GRXCR1: variants seen among roughly 807,000 people sequenced by gnomAD.
The protein encoded by GRXCR1 is glutaredoxin and cysteine rich domain containing 1.
In GRXCR1, 27 loss-of-function variants were observed where a neutral mutation model predicts 27.3. The ratio of observed to expected loss-of-function variants is 0.99; its 90% CI spans 0.73 to 1.37. The LOEUF (loss-of-function observed/expected upper bound fraction) is 1.37. Among genes scored for constraint, GRXCR1 ranks in the 40% most tolerant of loss-of-function variants. The probability of loss-of-function intolerance (pLI) is 0.00; values close to 1 mark genes in which losing one functional copy is unlikely to be tolerated. For synonymous variants in GRXCR1, 122 were observed against 131.1 expected, an observed-to-expected ratio of 0.93 and a Z score of 0.47; for missense variants, 379 against 354.4, an observed-to-expected ratio of 1.07 and a Z score of -0.56.
intron 1 of GRXCR1, among the ~76,000 whole-genome samples, chr4:42,899,549 G>A (rs1362589143): frequency 1.3e-5 from 2 of 152,000 alleles, no homozygotes; most frequent in African/African-American, 4.8e-5. Context: ...TCTCTTATTA[G>A]ACCATCATTT....
At chr4:43,014,006 T>C (rs1000957841) in intron 2 of GRXCR1, among the ~76,000 whole-genome samples, 4 of 151,474 alleles carry the variant, frequency 2.6e-5, no homozygotes, top group Admixed American at 1.3e-4. Context: ...AAAATCACTG[T>C]CTTTGGCAGG....
At chr4:42,998,859 G>A (rs1712259785) in intron 2 of GRXCR1, among the ~76,000 whole-genome samples, 1 of 152,170 alleles carries the variant, frequency 6.6e-6, no homozygotes, top group Non-Finnish European at 1.5e-5. Context: ...AGTTTTGAGA[G>A]TTTACTTTAA....
chr4:42,983,459 C>A (rs1423769408), intron 2 of GRXCR1, among the ~76,000 whole-genome samples: 1 of 151,448 alleles, frequency 6.6e-6, no homozygotes, highest in African/African-American at 2.4e-5. Flanking sequence ...GTTACTGTAG[C>A]CTTGTAGTAT....
intron 1 of GRXCR1, among the ~76,000 whole-genome samples, chr4:42,915,760 G>T (rs1746871283): frequency 1.3e-5 from 2 of 152,146 alleles, no homozygotes; most frequent in African/African-American, 4.8e-5. Flanking sequence ...TCAGTCCATT[G>T]CTGTGGAGCC....
chr4:43,012,782 TTC>T (rs1425219229), intron 2 of GRXCR1, among the ~76,000 whole-genome samples: 1 of 152,182 alleles, frequency 6.6e-6, no homozygotes, highest in Non-Finnish European at 1.5e-5. Flanking sequence ...TTATTATTAT[TTC>T]TTTTTTAAAA....
chr4:42,964,916 C>T lies in GRXCR1; in HGVS notation c.627+1782C>T, dbSNP rs78968937. 8.1e-4 allele frequency among the ~76,000 whole-genome samples: 123 copies of T among 152,110 alleles called. 2 individuals are homozygous for T. The East Asian group carries it at 0.02, about 24-fold the overall frequency. ...AAATGTAACTTGTAAGGGCTATGAA[C>T]ATTTCCCTTTTTTAACTTGGGAAAA... is the stretch of plus-strand genomic sequence containing the variant. On this transcript the variant is annotated intron_variant, in intron 2 of 3. Transcript: ENST00000399770.
At chr4:42,966,149 T>G (rs1462353738) in intron 2 of GRXCR1, among the ~76,000 whole-genome samples, 1 of 152,084 alleles carries the variant, frequency 6.6e-6, no homozygotes, top group African/African-American at 2.4e-5. Context: ...GGCAACTGTT[T>G]CATTATTTTG....
chr4:42,958,348 G>A (rs1327706525), intron 1 of GRXCR1, among the ~76,000 whole-genome samples: 8 of 151,936 alleles, frequency 5.3e-5, no homozygotes, highest in Non-Finnish European at 1.0e-4. Context: ...ATGGTGTTGG[G>A]AAAACTGAAT....
intron 2 of GRXCR1, among the ~76,000 whole-genome samples, chr4:42,968,101 T>A (rs1020811300): frequency 2.0e-5 from 3 of 152,082 alleles, no homozygotes; most frequent in African/African-American, 7.2e-5. Context: ...TGAAGCTCTT[T>A]ACTCTCTAAA....
chr4:42,902,333 C>T (rs560018318), intron 1 of GRXCR1, among the ~76,000 whole-genome samples: 1 of 152,246 alleles, frequency 6.6e-6, no homozygotes, highest in South Asian at 2.1e-4. Flanking sequence ...TGATGCAGAA[C>T]ACATCAGCCT....
chr4:42,919,479 T>G (rs1304062350), intron 1 of GRXCR1, among the ~76,000 whole-genome samples: 1 of 152,200 alleles, frequency 6.6e-6, no homozygotes, highest in Non-Finnish European at 1.5e-5. Context: ...CATTTTATAA[T>G]GATACGCTAC....
At chr4:42,919,626 C>G (rs1266527572) in intron 1 of GRXCR1, among the ~76,000 whole-genome samples, 1 of 152,082 alleles carries the variant, frequency 6.6e-6, no homozygotes, top group Non-Finnish European at 1.5e-5. Context: ...TGATACAAAA[C>G]TCAATTCACC....
intron 1 of GRXCR1, among the ~76,000 whole-genome samples, chr4:42,955,906 A>G (rs1029942890): frequency 1.3e-5 from 2 of 152,038 alleles, no homozygotes; most frequent in African/African-American, 4.8e-5. Flanking sequence ...TGAGGAGCTG[A>G]GCCTGCTCCG....
At position 42,962,918 on chromosome 4, in the gene GRXCR1, C is replaced by T. The variant is rs1261740574; in HGVS notation, c.411C>T (p.Asp137=). ...AACCATCAACTGATCTAGAATTTGA[C>T]CGTGTAGTGATTTATACCACCTGCC... ...LQQPSTDLEF[D]RVVIYTTCLR... is the part of the protein sequence containing the mutation. The change falls in exon 2 of 4, where the codon GAC becomes GAT. Residue 137 remains aspartate (D), a synonymous_variant. Coordinates refer to ENST00000399770, the MANE Select transcript of GRXCR1 (RefSeq NM_001080476.3). 6.2e-7 allele frequency: 1 copy of T among 1,612,334 alleles called. No individual in the cohort carries two copies. Among genetic ancestry groups the T allele is most frequent in the African/African-American group, 1.3e-5 (1 of 74,798 alleles).
intron 1 of GRXCR1, among the ~76,000 whole-genome samples, chr4:42,933,018 A>G (rs1747365887): frequency 6.6e-6 from 1 of 151,888 alleles, no homozygotes; most frequent in Admixed American, 6.6e-5. Flanking sequence ...AGGAGACACT[A>G]CCACTTTACT....
rs13133255 is a variant in GRXCR1, at chr4:42,973,468, C to T, written c.627+10334C>T. Among the ~76,000 whole-genome samples the T allele has an allele frequency of 6.7e-3, 1,020 of 151,626 alleles. 7 individuals are homozygous for T. The highest frequency in any genetic ancestry group is 0.014 in the Middle Eastern group (4 of 294). On this transcript the variant is annotated intron_variant, in intron 2 of 3. Transcript: ENST00000399770. ...GTCTTTTCATTTTGGGGGTCCTTGCCGATGTTTTTTTTTTCTTGACATTAA... is the reference window on the plus strand; with the variant it reads ...GTCTTTTCATTTTGGGGGTCCTTGCTGATGTTTTTTTTTTCTTGACATTAA...
In GRXCR1 at chr4:43,030,565, C is replaced by T. The variant is rs754426643; in HGVS notation, c.*25C>T. ...ATTGGAGCTTCTACCCAGGAAAAAC[C>T]TCATTTTATTAATCAAAGGCAATAC... On this transcript the variant is annotated 3_prime_UTR_variant, in exon 4 of 4. Transcript: ENST00000399770. The T allele has an allele frequency of 6.3e-7, 1 of 1,596,288 alleles. No individual in the cohort carries two copies. The highest frequency in any genetic ancestry group is 1.1e-5 in the South Asian group (1 of 90,714).
chr4:42,903,896 G>A (rs1264561827), intron 1 of GRXCR1, among the ~76,000 whole-genome samples: 1 of 152,044 alleles, frequency 6.6e-6, no homozygotes, highest in Non-Finnish European at 1.5e-5. Flanking sequence ...TTAAGTAGCT[G>A]CCTACCCATC....
At chr4:43,012,068 A>G (rs1408534235) in intron 2 of GRXCR1, among the ~76,000 whole-genome samples, 1 of 152,202 alleles carries the variant, frequency 6.6e-6, no homozygotes, top group Non-Finnish European at 1.5e-5. Context: ...ATCTTCTTCA[A>G]ATATTTTTCC....
Sources: gnomAD v4.1 joint callset for allele counts (sites outside exome capture counted in the v4.1 genomes callset) on GRCh38, gnomAD v4.1.1 for gene constraint, MANE v1.5 for transcripts, NCBI Gene and HGNC (gene_info 2026-07-23, HGNC 2026-07-21) for gene names.